ME3: variants seen among roughly 807,000 people sequenced by gnomAD.
The protein encoded by ME3 is NADP-dependent malic enzyme, mitochondrial.
A neutral mutation model predicts 68.9 loss-of-function variants in ME3; 48 were observed. The ratio of observed to expected loss-of-function variants is 0.70; its 90% confidence interval spans 0.55 to 0.89. The LOEUF (loss-of-function observed/expected upper bound fraction) is 0.89. Ranked by LOEUF, ME3 falls within the 40% of genes least tolerant of loss-of-function variation. The pLI, the probability that ME3 is intolerant of heterozygous loss-of-function variation, is 0.00. For synonymous variants in ME3, 320 were observed against 318.8 expected (o/e 1.00, Z -0.04); for missense variants, 675 against 797.4 (o/e 0.85, Z 1.85).
chr11:86,526,225 C>T (rs1162386747), intron 4 of ME3, among the ~76,000 whole-genome samples: 1 of 152,352 alleles, frequency 6.6e-6, no homozygotes, highest in Non-Finnish European at 1.5e-5. Context: ...GATTATATCC[C>T]GTGCATGGCT....
chr11:86,490,037 C>G (rs1397298102), intron 6 of ME3, among the ~76,000 whole-genome samples: 1 of 152,158 alleles, frequency 6.6e-6, no homozygotes, highest in Non-Finnish European at 1.5e-5. Flanking sequence ...AGCACTCAGT[C>G]ATGCTGCATG....
chr11:86,608,818 T>C (rs144349942), intron 2 of ME3, among the ~76,000 whole-genome samples: 2 of 152,350 alleles, frequency 1.3e-5, no homozygotes, highest in South Asian at 2.1e-4. Flanking sequence ...TTAACTGGTA[T>C]ATAAGATAAT....
chr11:86,563,488 A>G (rs781361338), intron 2 of ME3, among the ~76,000 whole-genome samples: 12 of 152,030 alleles, frequency 7.9e-5, no homozygotes, highest in Non-Finnish European at 1.5e-4. Context: ...TTTTGTTGCT[A>G]TTACTTTTGG....
intron 8 of ME3, chr11:86,457,464 G>A: frequency 9.8e-7 from 1 of 1,017,714 alleles, no homozygotes; most frequent in Non-Finnish European, 1.2e-6. Context: ...TGGTACTGTT[G>A]CCCATTTTTT....
At chr11:86,574,420 T>C (rs1406195374) in intron 2 of ME3, among the ~76,000 whole-genome samples, 2 of 149,294 alleles carry the variant, frequency 1.3e-5, no homozygotes, top group Admixed American at 1.3e-4. Flanking sequence ...GGTGTCTTTT[T>C]TGTTGATGTT....
chr11:86,463,898 A>G (rs1230756444), intron 8 of ME3, among the ~76,000 whole-genome samples: 1 of 152,246 alleles, frequency 6.6e-6, no homozygotes, highest in Admixed American at 6.5e-5. Flanking sequence ...CTTAATGGCT[A>G]TAAAAGTTAC....
intron 2 of ME3, among the ~76,000 whole-genome samples, chr11:86,577,642 T>TA (rs1958191109): frequency 2.0e-5 from 3 of 152,310 alleles, no homozygotes; most frequent in East Asian, 3.9e-4. Flanking sequence ...CATAACTTTT[T>TA]AAAAAATGAG....
intron 4 of ME3, among the ~76,000 whole-genome samples, chr11:86,518,102 C>A (rs1954019796): frequency 6.6e-6 from 1 of 152,172 alleles, no homozygotes; most frequent in African/African-American, 2.4e-5. Context: ...AGAAAAATTT[C>A]CAGCCATTTG....
At chr11:86,633,213 G>C (rs1215315005) in intron 2 of ME3, among the ~76,000 whole-genome samples, 1 of 152,228 alleles carries the variant, frequency 6.6e-6, no homozygotes, top group Non-Finnish European at 1.5e-5. Context: ...CCACAAGAGA[G>C]ATGTGACCAA....
At position 86,653,453 on chromosome 11, in the gene ME3, G is replaced by T. The variant is rs532942784; in HGVS notation, c.183+18309C>A. Among the ~76,000 whole-genome samples the T allele has an allele frequency of 5.3e-5, 8 of 152,248 alleles. No individual in the cohort carries two copies. The East Asian group carries it at 1.2e-3, about 22-fold the overall frequency. On this transcript the variant is annotated intron_variant, in intron 2 of 14. Transcript: ENST00000543262. Reference sequence around the variant, plus strand: ...AGGATTAAGAAACTCTCTCAAAACTGCTCAACTACATGGAAACTGAACAAC... The same window carrying T: ...AGGATTAAGAAACTCTCTCAAAACTTCTCAACTACATGGAAACTGAACAAC...
intron 2 of ME3, among the ~76,000 whole-genome samples, chr11:86,647,320 T>C (rs1302482669): frequency 2.0e-5 from 3 of 151,758 alleles, no homozygotes; most frequent in Non-Finnish European, 4.4e-5. Flanking sequence ...CCATCTCTAC[T>C]AAAAAATACA....
chr11:86,632,191 G>A (rs113313937), intron 2 of ME3, among the ~76,000 whole-genome samples: 124 of 152,338 alleles, frequency 8.1e-4, no homozygotes, highest in African/African-American at 2.8e-3. Context: ...ACTTCCAAAA[G>A]TGATGTGTTC....
At chr11:86,576,393 G>C (rs757434055) in intron 2 of ME3, among the ~76,000 whole-genome samples, 12 of 152,162 alleles carry the variant, frequency 7.9e-5, no homozygotes, top group Non-Finnish European at 1.6e-4. Flanking sequence ...GGTCAAGGTG[G>C]AGAGAGGAAC....
chr11:86,613,381 T>G (rs1489011908), intron 2 of ME3, among the ~76,000 whole-genome samples: 2 of 151,966 alleles, frequency 1.3e-5, no homozygotes, highest in African/African-American at 2.4e-5. Context: ...TGGGCAAAAG[T>G]TGGAAGCATT....
intron 7 of ME3, among the ~76,000 whole-genome samples, chr11:86,469,419 G>T (rs1950660892): frequency 6.6e-6 from 1 of 152,120 alleles, no homozygotes; most frequent in South Asian, 2.1e-4. Flanking sequence ...AGTGAGCAGG[G>T]CAAGGCAGCC....
At chr11:86,515,199 G>A (rs1953808046) in intron 4 of ME3, among the ~76,000 whole-genome samples, 1 of 152,168 alleles carries the variant, frequency 6.6e-6, no homozygotes, top group Non-Finnish European at 1.5e-5. Context: ...AATATTCAGT[G>A]AGAAAGAGAT....
chr11:86,499,720 C>T (rs954549516), intron 5 of ME3, among the ~76,000 whole-genome samples: 4 of 152,190 alleles, frequency 2.6e-5, no homozygotes, highest in Admixed American at 2.0e-4. Context: ...GATATTCTCC[C>T]TTAGATTGGT....
intron 8 of ME3, among the ~76,000 whole-genome samples, chr11:86,454,579 A>T (rs1949812781): frequency 6.6e-6 from 1 of 152,226 alleles, no homozygotes; most frequent in Non-Finnish European, 1.5e-5. Flanking sequence ...GAAGACAGTT[A>T]TTCATTTAAT....
intron 7 of ME3, among the ~76,000 whole-genome samples, chr11:86,479,351 C>T (rs187970017): frequency 1.3e-5 from 2 of 152,308 alleles, no homozygotes; most frequent in East Asian, 1.9e-4. Context: ...TCCATCATCA[C>T]GTTAGCCACT....
Sources: gnomAD v4.1 joint callset for allele counts (sites outside exome capture counted in the v4.1 genomes callset) on GRCh38, gnomAD v4.1.1 for gene constraint, MANE v1.5 for transcripts, NCBI Gene and HGNC (gene_info 2026-07-23, HGNC 2026-07-21) for gene names.